The following CTNNA3 variants were observed in gnomAD, a reference collection of about 807,000 sequenced individuals.
CTNNA3 encodes catenin alpha-3.
A neutral mutation model predicts 95.7 loss-of-function variants in CTNNA3; 76 were observed. The observed-to-expected ratio is 0.79, with a 90% CI of 0.66 to 0.96. The LOEUF (loss-of-function observed/expected upper bound fraction) is 0.96. Among genes scored for constraint, CTNNA3 ranks in the 40% least tolerant of loss-of-function variants. CTNNA3 has a pLI of 0.00. For missense variants in CTNNA3, 1,191 were observed against 1,089.8 expected, an observed-to-expected ratio of 1.09 and a Z score of -1.31; for synonymous variants, 431 against 374.4, an observed-to-expected ratio of 1.15 and a Z score of -1.74.
intron 7 of CTNNA3, among the ~76,000 whole-genome samples, chr10:66,922,079 A>C (rs1217974634): frequency 1.3e-5 from 2 of 152,228 alleles, no homozygotes; most frequent in Non-Finnish European, 2.9e-5. Context: ...ACCCAATTTA[A>C]ACAAAATATG....
intron 12 of CTNNA3, among the ~76,000 whole-genome samples, chr10:66,322,194 A>C (rs1440706253): frequency 2.0e-5 from 3 of 152,046 alleles, no homozygotes; most frequent in Non-Finnish European, 4.4e-5. Context: ...ATATCACCCT[A>C]CTGCTTCTGG....
At chr10:66,217,761 G>A (rs1314226212) in intron 13 of CTNNA3, among the ~76,000 whole-genome samples, 1 of 152,152 alleles carries the variant, frequency 6.6e-6, no homozygotes, top group Non-Finnish European at 1.5e-5. Flanking sequence ...CTGTATTTTA[G>A]TTATTTTAGT....
chr10:66,464,532 A>G (rs10822836), intron 11 of CTNNA3, among the ~76,000 whole-genome samples: 10,722 of 152,020 alleles, frequency 0.071, 729 homozygotes, highest in East Asian at 0.27. Flanking sequence ...TGAGGTAGAG[A>G]TGGGTGGATC....
intron 5 of CTNNA3, among the ~76,000 whole-genome samples, chr10:67,241,689 C>G (rs1865721556): frequency 1.3e-5 from 2 of 152,144 alleles, no homozygotes; most frequent in Admixed American, 6.5e-5. Context: ...TAATTCATTA[C>G]ATTTGTGTAG....
chr10:66,767,053 T>C (rs1278194670), intron 8 of CTNNA3, among the ~76,000 whole-genome samples: 2 of 152,228 alleles, frequency 1.3e-5, no homozygotes, highest in Admixed American at 1.3e-4. Flanking sequence ...AGCTTATTAA[T>C]GACAATTAGG....
Position 66,824,261 on chromosome 10 carries a change from A to C in CTNNA3, c.1048-48737T>G, listed in dbSNP as rs542611998. ...TGTCATTCCAGTGCACTAATCTGTGATATAGCAGCTAGAAACTTATAAAAC... is the reference window on the plus strand; with the variant it reads ...TGTCATTCCAGTGCACTAATCTGTGCTATAGCAGCTAGAAACTTATAAAAC... On this transcript the variant is annotated intron_variant, in intron 7 of 17. Transcript: ENST00000433211. Among the ~76,000 whole-genome samples, 10 of 152,288 alleles carry C rather than the reference A, an allele frequency of 6.6e-5. No homozygotes were observed. In the South Asian group the frequency reaches 2.1e-3, roughly 32 times the overall value.
chr10:65,927,128 A>G (rs752357854), intron 17 of CTNNA3, among the ~76,000 whole-genome samples: 1 of 152,140 alleles, frequency 6.6e-6, no homozygotes, highest in Non-Finnish European at 1.5e-5. Context: ...TTTTTGAATC[A>G]TACTCTAACT....
chr10:66,675,734 G>A (rs1174927356), intron 9 of CTNNA3, among the ~76,000 whole-genome samples: 1 of 152,054 alleles, frequency 6.6e-6, no homozygotes, highest in Non-Finnish European at 1.5e-5. Context: ...CATCCAGCCT[G>A]AATCATTTTT....
chr10:67,652,917 C>T (rs1400750618), intron 1 of CTNNA3, among the ~76,000 whole-genome samples: 1 of 152,222 alleles, frequency 6.6e-6, no homozygotes, highest in Non-Finnish European at 1.5e-5. Flanking sequence ...CCCAACTTTA[C>T]TTTTCCTAGT....
At chr10:66,091,991 A>C (rs1430311263) in intron 14 of CTNNA3, among the ~76,000 whole-genome samples, 6 of 151,940 alleles carry the variant, frequency 3.9e-5, no homozygotes, top group African/African-American at 1.4e-4. Context: ...CACAGTCAAA[A>C]TTAATTTCTG....
intron 7 of CTNNA3, among the ~76,000 whole-genome samples, chr10:66,983,031 G>A (rs1850533645): frequency 6.6e-6 from 1 of 152,206 alleles, no homozygotes; most frequent in South Asian, 2.1e-4. Context: ...GCAGGTTGCT[G>A]AGAGCAGCGA....
intron 5 of CTNNA3, among the ~76,000 whole-genome samples, chr10:67,478,412 C>T (rs919298757): frequency 6.6e-6 from 1 of 152,102 alleles, no homozygotes; most frequent in East Asian, 1.9e-4. Flanking sequence ...AAAGGGGAAT[C>T]CCATCAGGCT....
At chr10:66,483,135 T>G (rs1186872541) in intron 11 of CTNNA3, among the ~76,000 whole-genome samples, 2 of 152,184 alleles carry the variant, frequency 1.3e-5, no homozygotes, top group African/African-American at 4.8e-5. Context: ...GTTATTCTAA[T>G]AGTTAAGAGG....
chr10:67,700,670 TG>T (rs1479043587), upstream of CTNNA3, among the ~76,000 whole-genome samples: 2 of 151,682 alleles, frequency 1.3e-5, no homozygotes, highest in African/African-American at 2.4e-5. Context: ...ACCACAAAGA[TG>T]GGGAAAAAAC....
At position 66,856,694 on chromosome 10, in the gene CTNNA3, G is replaced by T. The variant is rs1194165877; in HGVS notation, c.1048-81170C>A. On this transcript the variant is annotated intron_variant, in intron 7 of 17. Coordinates refer to ENST00000433211, the MANE Select transcript of CTNNA3 (RefSeq NM_013266.4). The stretch of plus-strand genomic sequence containing the variant: ...GCATTTCTTCATATGCTTGTTGGCT[G>T]CATGTATGTCTTCTTTTGAAAAGTG... Among the ~76,000 whole-genome samples, 7 of 152,112 alleles carry T rather than the reference G, an allele frequency of 4.6e-5. No individual in the cohort carries two copies. The South Asian group carries it at 1.0e-3, about 23-fold the overall frequency.
At chr10:67,519,677 CT>C (rs1839924406) in intron 5 of CTNNA3, among the ~76,000 whole-genome samples, 1 of 152,112 alleles carries the variant, frequency 6.6e-6, no homozygotes. Context: ...AGGCCCTGTC[CT>C]TTTGGAGCTT....
At chr10:67,607,097 A>AAC in intron 2 of CTNNA3, 48 bp from the exon 3 acceptor site, 1 of 1,418,898 alleles carries the variant, frequency 7.0e-7, no homozygotes, top group South Asian at 1.2e-5. Flanking sequence ...TTGTAAGGAG[A>AAC]ACACAGTCCT....
At chr10:66,856,128 A>T (rs929165731) in intron 7 of CTNNA3, among the ~76,000 whole-genome samples, 7 of 151,798 alleles carry the variant, frequency 4.6e-5, no homozygotes, top group Non-Finnish European at 1.0e-4. Flanking sequence ...TTCTGTCCGT[A>T]TGTCTGTAAT....
intron 17 of CTNNA3, among the ~76,000 whole-genome samples, chr10:65,958,945 C>T (rs2077786591): frequency 6.6e-6 from 1 of 152,182 alleles, no homozygotes; most frequent in Non-Finnish European, 1.5e-5. Context: ...TTTAAGTCTG[C>T]AGAAGTTTCT....
Sources: gnomAD v4.1 joint callset for allele counts (sites outside exome capture counted in the v4.1 genomes callset) on GRCh38, gnomAD v4.1.1 for gene constraint, MANE v1.5 for transcripts, NCBI Gene and HGNC (gene_info 2026-07-23, HGNC 2026-07-21) for gene names.